The following SEMA3G variants were observed in gnomAD, a reference collection of about 807,000 sequenced individuals.
SEMA3G encodes semaphorin 3G.
A neutral mutation model predicts 86.2 loss-of-function variants in SEMA3G; 70 were observed. That is an observed-to-expected ratio of 0.81 (90% confidence interval 0.67 to 0.99). The LOEUF is 0.99. Ranked by LOEUF, SEMA3G falls within the 50% of genes least tolerant of loss-of-function variation. The pLI is 0.00. For missense variants in SEMA3G, 1,002 were observed against 1,072.4 expected, an observed-to-expected ratio of 0.93 and a Z score of 0.92; for synonymous variants, 416 against 441.4, an observed-to-expected ratio of 0.94 and a Z score of 0.72.
intron 14 of SEMA3G, 56 bp downstream of exon 14, chr3:52,437,915 G>A (rs1252566298): frequency 6.0e-6 from 9 of 1,491,574 alleles, no homozygotes; most frequent in South Asian, 3.4e-5. Flanking sequence ...GGGTGGAGCC[G>A]GGCCACAGGG....
chr3:52,441,389 C>T lies in SEMA3G; in HGVS notation c.688G>A (p.Ala230Thr), dbSNP rs143736196. 5.9e-5 allele frequency: 96 copies of T among 1,613,626 alleles called. 1 individual carries two copies. In the Admixed American group the frequency reaches 1.3e-3, roughly 22 times the overall value. Residue 230 changes from alanine to threonine, a missense_variant, in exon 7 of 16, where the codon GCC (alanine) becomes ACC (threonine). Transcript: ENST00000231721. ...LLHDPRFVMA[A>T]RIPENSDQDN... ...TGGTCAGAGTTCTCAGGGATCCGGGCGGCCATCACAAACCGGGGGTCTGGA... is the reference window on the plus strand; with the variant it reads ...TGGTCAGAGTTCTCAGGGATCCGGGTGGCCATCACAAACCGGGGGTCTGGA...
Position 52,441,282 on chromosome 3 carries a change from G to A in SEMA3G, c.795C>T (p.Arg265=), listed in dbSNP as rs546731714. 7.7e-5 allele frequency: 125 copies of A among 1,613,446 alleles called. No individual in the cohort carries two copies. In the South Asian group the frequency reaches 1.2e-3, roughly 15 times the overall value. ...CTCTTACCACGCAGACGCGGCCCACGCGGCTGACAGTGACATGGTTCGAGC... is the reference window on the plus strand; with the variant it reads ...CTCTTACCACGCAGACGCGGCCCACACGGCTGACAGTGACATGGTTCGAGC... ...DGGSNHVTVS[R]VGRVCVNDAG... Residue 265 remains arginine (R), a synonymous_variant, in exon 7 of 16, where the codon CGC becomes CGT. Transcript: ENST00000231721.
chr3:52,437,984 G>A lies in SEMA3G; in HGVS notation c.1725C>T (p.Gly575=), dbSNP rs895421883. ...GCCACCACTCACCTTCCTGGCTCTG[G>A]CCCAGGCACTGCAGGGCAGGGTTGC... ...RHGNPALQCL[G]QSQEEEAVGL... Residue 575 remains glycine (G), a synonymous_variant, in exon 14 of 16, where the codon GGC becomes GGT. Transcript: ENST00000231721. The A allele has an allele frequency of 6.2e-6, 10 of 1,612,132 alleles. No homozygotes were observed. The highest frequency in any genetic ancestry group is 1.1e-5 in the South Asian group (1 of 91,028).
Position 52,442,758 on chromosome 3 carries a change from C to T in SEMA3G, c.265G>A (p.Asp89Asn). Residue 89 changes from aspartate to asparagine, a missense_variant, in exon 2 of 16, where the codon GAT (aspartate) becomes AAT (asparagine). Transcript: ENST00000231721. This position sits in a 1 kb window ranked among gnomAD's most constrained non-coding sequence, Gnocchi z 6.1. ...CCAGTCCAGCTCACCTCCCGGGGAT[C>T]TGGCCATGCCTGGTCCAGCCGCAGA... ...YSLRLDQAWP[D>N]PREVLWPPQP... is the part of the protein sequence containing the mutation. 6.2e-7 allele frequency: 1 copy of T among 1,613,938 alleles called. No individual in the cohort carries two copies. The highest frequency in any genetic ancestry group is 1.1e-5 in the South Asian group (1 of 91,058).
Position 52,444,848 on chromosome 3 carries a change from CCAAA to C in SEMA3G, c.115+61_115+64del, listed in dbSNP as rs1234287095. On this transcript the variant is annotated intron_variant, in intron 1 of 15. Transcript: ENST00000231721. ...ATGCACACAAACACGGCACATGCAC[CCAAA>C]CAGAGCGCACACACACAAACAGGGC... The C allele has an allele frequency of 4.4e-5, 53 of 1,211,542 alleles. 1 individual carries two copies. The Middle Eastern group carries it at 9.2e-4, about 21-fold the overall frequency. 75.0% of individuals were successfully genotyped at this position (1,211,542 alleles called of 1,614,324 possible). A position where few individuals can be genotyped will look rare whatever the true frequency, so the allele number is the denominator to read the frequency against.
intron 15 of SEMA3G, 51 bp from the exon 16 acceptor site, chr3:52,436,124 A>G (rs776680926): frequency 6.5e-7 from 1 of 1,531,988 alleles, no homozygotes; most frequent in Non-Finnish European, 8.8e-7. Context: ...GGAGTTTACC[A>G]TCGGCTTCTC....
rs990102180 is a variant in SEMA3G at position 52,438,056 on chromosome 3, G to A, written c.1653C>T (p.Arg551=). The A allele has an allele frequency of 5.0e-6, 8 of 1,613,068 alleles. No homozygotes were observed. In the Admixed American group the frequency reaches 1.2e-4, roughly 24 times the overall value. ...GGAACCGGCGCTTGCCAAGGCTGGG[G>A]CGGTAGTGGGTACAGGAGGCACCAT... ...AWDGASCTHY[R]PSLGKRRFRR... Residue 551 remains arginine, a synonymous_variant, in exon 14 of 16, where the codon CGC becomes CGT. Transcript: ENST00000231721.
rs202243271 is a variant in SEMA3G, at chr3:52,440,513, A to C, written c.1007T>G (p.Phe336Cys). 1.2e-6 allele frequency: 2 copies of C among 1,609,572 alleles called. No individual in the cohort carries two copies. Among genetic ancestry groups the C allele is most frequent in the East Asian group, 4.5e-5 (2 of 44,814 alleles). The change falls in exon 10 of 16, where the codon TTC (phenylalanine) becomes TGC (cysteine). Residue 336 changes from phenylalanine (F) to cysteine (C), a missense_variant. By Grantham distance (205) the Phe-to-Cys change is radical. Coordinates refer to ENST00000231721, the MANE Select transcript of SEMA3G (RefSeq NM_020163.3). ...GTACACACAGACGGCGAAGCCCTGGAACACGGCACTGCCGGGGCACATGGG... is the reference window on the plus strand; with the variant it reads ...GTACACACAGACGGCGAAGCCCTGGCACACGGCACTGCCGGGGCACATGGG... The part of the protein sequence containing the change: ...YALFSTVSAV[F>C]QGFAVCVYHM...
At chr3:52,441,438 G>A (rs372474487) in intron 6 of SEMA3G, 29 bp from the exon 7 acceptor site, 3 of 1,610,518 alleles carry the variant, frequency 1.9e-6, no homozygotes, top group Admixed American at 3.3e-5. Flanking sequence ...CATGCTGGGT[G>A]GAGGGGCCCC....
intron 13 of SEMA3G, chr3:52,438,404 G>A: frequency 2.0e-6 from 2 of 984,938 alleles, no homozygotes; most frequent in South Asian, 9.4e-5. Flanking sequence ...GGATGGAGGA[G>A]AACCAAGACC....
chr3:52,444,038 G>A (rs963441406), intron 1 of SEMA3G, among the ~76,000 whole-genome samples: 1 of 152,134 alleles, frequency 6.6e-6, no homozygotes, highest in African/African-American at 2.4e-5. Context: ...GGGCTGGGGC[G>A]CTTCTTGGGT....
rs961552854 is a variant in SEMA3G, at chr3:52,433,529, G to A, written c.*2074C>T. ...TCGCATTTACGGGGCGTTTCCAGGAGTTAATAGCATACAGTACCATGGGTA... is the reference window on the plus strand; with the variant it reads ...TCGCATTTACGGGGCGTTTCCAGGAATTAATAGCATACAGTACCATGGGTA... On this transcript the variant is annotated 3_prime_UTR_variant, in exon 16 of 16. Coordinates refer to ENST00000231721, the MANE Select transcript of SEMA3G (RefSeq NM_020163.3). The A allele has an allele frequency of 5.2e-5, 8 of 152,656 alleles. No homozygotes were observed. Among genetic ancestry groups the A allele is most frequent in the Non-Finnish European group, 1.2e-4 (8 of 68,044 alleles). The allele number at this position is 152,656 out of a possible 1,614,324, so 9.5% of individuals were successfully genotyped here.
chr3:52,438,952 G>A lies in SEMA3G; in HGVS notation c.1477C>T (p.Pro493Ser). 5 of 1,613,552 alleles carry A rather than the reference G, an allele frequency of 3.1e-6. No homozygotes were observed. Among genetic ancestry groups the A allele is most frequent in the Non-Finnish European group, 4.2e-6 (5 of 1,179,666 alleles). The change falls in exon 13 of 16, where the codon CCT (proline) becomes TCT (serine). Residue 493 changes from proline to serine, a missense_variant. Pro to Ser is a moderately conservative substitution (Grantham distance 74, BLOSUM62 -1). Transcript: ENST00000231721. ...EELQVFKVPT[P>S]ITEMEISVKR... ...ACAGAGATCTCCATTTCGGTGATAG[G>A]TGTTGGCACCTGGGGAAGGAGAAGG...
In SEMA3G at chr3:52,442,889, C is replaced by T. The variant is rs1482776483; in HGVS notation, c.134G>A (p.Arg45His). Residue 45 changes from arginine (R) to histidine (H), a missense_variant, in exon 2 of 16, where the codon CGC (arginine) becomes CAC (histidine). Physicochemically the swap from Arg to His is conservative, Grantham distance 29. Coordinates refer to ENST00000231721, the MANE Select transcript of SEMA3G (RefSeq NM_020163.3). The surrounding 1 kb of genome is among the most constrained non-coding windows in gnomAD (Gnocchi z 6.1). ...CTGGGGGCCCAGAAAGATGGCAGAG[C>T]GGTTGGCAGACAGGAGGTCTAGGAG... ...LSYRDLLSAN[R>H]SAIFLGPQGS... The T allele has an allele frequency of 5.0e-6, 8 of 1,601,494 alleles. No homozygotes were observed. Among genetic ancestry groups the T allele is most frequent in the African/African-American group, 4.0e-5 (3 of 74,742 alleles).
chr3:52,438,915 C>T lies in SEMA3G; in HGVS notation c.1509+5G>A. The T allele has an allele frequency of 6.2e-7, 1 of 1,613,374 alleles. No individual in the cohort carries two copies. The highest frequency in any genetic ancestry group is 8.5e-7 in the Non-Finnish European group (1 of 1,179,616). On this transcript the variant is annotated splice_donor_5th_base_variant and intron_variant, in intron 13 of 15. Transcript: ENST00000231721. ...GTCCAAGAGGAGGGTGGCAGCTGTT[C>T]TTACCCTTTTGACAGAGATCTCCAT...
chr3:52,443,439 C>T (rs977232013), intron 1 of SEMA3G, among the ~76,000 whole-genome samples: 4 of 152,160 alleles, frequency 2.6e-5, no homozygotes, highest in Non-Finnish European at 4.4e-5. Context: ...AGACAATTTT[C>T]TCCCCACAGA....
rs758970155 is a variant in SEMA3G at position 52,440,478 on chromosome 3, CT to C, written c.1041del (p.Asp348ThrfsTer39). 5 of 1,611,998 alleles carry C rather than the reference CT, an allele frequency of 3.1e-6. No individual in the cohort carries two copies. The South Asian group carries it at 5.5e-5, about 18-fold the overall frequency. On this transcript the variant is annotated frameshift_variant, in exon 10 of 16. Coordinates refer to ENST00000231721, the MANE Select transcript of SEMA3G (RefSeq NM_020163.3). LOFTEE classifies it high-confidence loss of function. ...GGCCCGTTGAAAACCTCCCAGATGT[CT>C]GCCATGTGGTACACACAGACGGCGA... ...QGFAVCVYHMADIWEVFNGPF... is the reference protein window; with the variant it reads ...QGFAVCVYHMXDIWEVFNGPF...
At chr3:52,440,720 C>T (rs1438192123) in intron 9 of SEMA3G, 34 bp downstream of exon 9, 5 of 1,586,464 alleles carry the variant, frequency 3.2e-6, no homozygotes, top group Non-Finnish European at 4.3e-6. Context: ...AAGACAGGGG[C>T]CCATCGCAAG....
Position 52,439,674 on chromosome 3 carries a change from G to T in SEMA3G, c.1467+6C>A. 6.2e-7 allele frequency: 1 copy of T among 1,612,296 alleles called. No individual in the cohort carries two copies. Among genetic ancestry groups the T allele is most frequent in the South Asian group, 1.1e-5 (1 of 91,036 alleles). On this transcript the variant is annotated splice_donor_region_variant and intron_variant, in intron 12 of 15. Transcript: ENST00000231721. ...GGAGGGACCCTTCCATCAGCCCCTTGCTTACCTTAAACACCTGGAGCTCCT... is the reference window on the plus strand; with the variant it reads ...GGAGGGACCCTTCCATCAGCCCCTTTCTTACCTTAAACACCTGGAGCTCCT...
Sources: allele counts gnomAD v4.1 joint callset (sites outside exome capture counted in the v4.1 genomes callset), GRCh38; gene constraint gnomAD v4.1.1; non-coding constraint Gnocchi (gnomAD v3.1); transcripts MANE v1.5; gene names NCBI Gene and HGNC (gene_info 2026-07-23, HGNC 2026-07-21).